The following COL24A1 variants were observed in gnomAD, a reference collection of about 807,000 sequenced individuals.
COL24A1 encodes collagen type XXIV alpha 1 chain.
Under a neutral mutation model 253.9 loss-of-function variants are expected in COL24A1, and 224 were observed. The ratio of observed to expected loss-of-function variants is 0.88; its 90% CI spans 0.79 to 0.99. The LOEUF (loss-of-function observed/expected upper bound fraction) is 0.99, where lower values mean the gene tolerates loss of function less well. Among genes scored for constraint, COL24A1 ranks in the 50% least tolerant of loss-of-function variants. The probability of loss-of-function intolerance (pLI) is 0.00; values close to 1 mark genes in which losing one functional copy is unlikely to be tolerated. For missense variants in COL24A1, 2,131 were observed against 2,068.5 expected (o/e 1.03, Z -0.59); for synonymous variants, 685 against 673.7 (o/e 1.02, Z -0.26).
At chr1:86,124,588 C>T (rs1376071741) in intron 3 of COL24A1, among the ~76,000 whole-genome samples, 1 of 151,684 alleles carries the variant, frequency 6.6e-6, no homozygotes, top group Non-Finnish European at 1.5e-5. Flanking sequence ...AATAGTTTGC[C>T]CACTACTTCA....
At position 85,891,814 on chromosome 1, in the gene COL24A1, A is replaced by T. The variant is rs184426858; in HGVS notation, c.2923-2201T>A. The stretch of plus-strand genomic sequence containing the variant: ...TTATCATGTACTTTTAATGCTGTTG[A>T]TACTGCATAAAAGCTCTTTTGCAAA... On this transcript the variant is annotated intron_variant, in intron 31 of 59. Transcript: ENST00000370571. 2.2e-3 allele frequency among the ~76,000 whole-genome samples: 338 copies of T among 152,352 alleles called. 2 individuals carry two copies. Among genetic ancestry groups the T allele is most frequent in the Non-Finnish European group, 3.5e-3 (241 of 68,016 alleles).
chr1:85,892,654 A>G (rs1416232846), intron 31 of COL24A1, among the ~76,000 whole-genome samples: 6 of 152,130 alleles, frequency 3.9e-5, no homozygotes, highest in Admixed American at 3.9e-4. Flanking sequence ...AGCAAAAATC[A>G]TAACTTTGCA....
chr1:86,057,868 T>G, intron 10 of COL24A1, 63 bp downstream of exon 10: 2 of 1,434,640 alleles, frequency 1.4e-6, no homozygotes, highest in Admixed American at 3.6e-5. Context: ...GCTAAGTGTT[T>G]TATATATTTC....
intron 53 of COL24A1, among the ~76,000 whole-genome samples, chr1:85,765,665 C>T (rs1477991346): frequency 6.6e-6 from 1 of 151,958 alleles, no homozygotes; most frequent in East Asian, 1.9e-4. Flanking sequence ...TGCCTGAGCC[C>T]AGGAGTTCGA....
chr1:85,966,609 T>A (rs1691592869), intron 22 of COL24A1, among the ~76,000 whole-genome samples: 1 of 151,906 alleles, frequency 6.6e-6, no homozygotes, highest in African/African-American at 2.4e-5. Context: ...TGCCAGAAAG[T>A]GAGGAGGAAA....
chr1:85,871,548 G>A (rs1052507866), intron 35 of COL24A1, among the ~76,000 whole-genome samples: 11 of 152,052 alleles, frequency 7.2e-5, no homozygotes, highest in Middle Eastern at 3.4e-3. Context: ...CAACATATGC[G>A]AATCAATAAA....
At chr1:85,825,601 T>C (rs890936782) in intron 43 of COL24A1, among the ~76,000 whole-genome samples, 2 of 151,168 alleles carry the variant, frequency 1.3e-5, no homozygotes, top group African/African-American at 4.9e-5. Context: ...TCCTGACTTT[T>C]TAATGATTGC....
rs60994639 is a variant in COL24A1, at chr1:85,885,397, A to ATATATATATTT, written c.2976+4162_2976+4163insAAATATATATA. 6.4e-3 allele frequency among the ~76,000 whole-genome samples: 822 copies of ATATATATATTT among 128,790 alleles called. 12 individuals carry two copies. The highest frequency in any genetic ancestry group is 0.023 in the African/African-American group (771 of 34,236). The allele number at this position is 128,790 out of a possible 152,430, so 84.5% of individuals were successfully genotyped here. A position where few individuals can be genotyped will look rare whatever the true frequency, so the allele number is the denominator to read the frequency against. On this transcript the variant is annotated intron_variant, in intron 32 of 59. Coordinates refer to ENST00000370571, the MANE Select transcript of COL24A1 (RefSeq NM_152890.7). ...TGTGTGTATATATATATATATATAT[A>ATATATATATTT]TTTTTTTTTTAAGTAGAAACTAAAT...
chr1:86,145,331 C>T (rs941292773), intron 2 of COL24A1, among the ~76,000 whole-genome samples: 2 of 152,108 alleles, frequency 1.3e-5, no homozygotes, highest in African/African-American at 2.4e-5. Context: ...GAGCCCTTTG[C>T]TACCTTTAAG....
At chr1:85,783,439 G>T in intron 51 of COL24A1, 57 bp downstream of exon 51, 1 of 1,418,876 alleles carries the variant, frequency 7.0e-7, no homozygotes, top group Non-Finnish European at 9.9e-7. Flanking sequence ...GAGCTCTTAA[G>T]CCCTGCAGTA....
chr1:85,887,760 A>C (rs552279722), intron 32 of COL24A1, among the ~76,000 whole-genome samples: 1 of 152,220 alleles, frequency 6.6e-6, no homozygotes, highest in Non-Finnish European at 1.5e-5. Context: ...CCTAACTTAC[A>C]TGTCTGATTT....
At chr1:85,953,684 C>T (rs980445075) in intron 24 of COL24A1, among the ~76,000 whole-genome samples, 1 of 152,100 alleles carries the variant, frequency 6.6e-6, no homozygotes, top group African/African-American at 2.4e-5. Flanking sequence ...AACATAAGTA[C>T]ACGATGAAGA....
At chr1:85,860,290 A>G (rs1678989498) in intron 37 of COL24A1, among the ~76,000 whole-genome samples, 1 of 152,222 alleles carries the variant, frequency 6.6e-6, no homozygotes, top group African/African-American at 2.4e-5. Context: ...TGTAACCATC[A>G]CCAAAATCAA....
chr1:85,764,109 C>G (rs2101137685), intron 53 of COL24A1, among the ~76,000 whole-genome samples: 1 of 151,948 alleles, frequency 6.6e-6, no homozygotes, highest in South Asian at 2.1e-4. Context: ...TTATTTTAGG[C>G]TGGCTCAGTT....
Position 85,965,045 on chromosome 1 carries a change from C to T in COL24A1, c.2481G>A (p.Lys827=), listed in dbSNP as rs1465556219. The part of the protein sequence containing the change: ...ELGPRGKPGQ[K]GYAGEPGPEG... ...CTGGTCCTGGTTCACCTGCATACCCCTTTTGACCTGGTTTTCCCTAGAAGA... is the reference window on the plus strand; with the variant it reads ...CTGGTCCTGGTTCACCTGCATACCCTTTTTGACCTGGTTTTCCCTAGAAGA... The change falls in exon 23 of 60, where the codon AAG becomes AAA. Residue 827 remains lysine (K), a synonymous_variant. Coordinates refer to ENST00000370571, the MANE Select transcript of COL24A1 (RefSeq NM_152890.7). 1 of 1,610,470 alleles carries T rather than the reference C, an allele frequency of 6.2e-7. No individual in the cohort carries two copies. The highest frequency in any genetic ancestry group is 1.3e-5 in the African/African-American group (1 of 74,790).
At chr1:86,003,628 A>T (rs1391691693) in intron 19 of COL24A1, among the ~76,000 whole-genome samples, 2 of 152,196 alleles carry the variant, frequency 1.3e-5, no homozygotes, top group African/African-American at 4.8e-5. Context: ...GAATAACAAC[A>T]GAGAAGAAAA....
intron 35 of COL24A1, among the ~76,000 whole-genome samples, chr1:85,870,429 T>C (rs1047412197): frequency 1.3e-5 from 2 of 152,192 alleles, no homozygotes; most frequent in African/African-American, 4.8e-5. Context: ...TATTCCAAAA[T>C]TGACCACATA....
intron 53 of COL24A1, among the ~76,000 whole-genome samples, chr1:85,770,977 C>T (rs1371420365): frequency 6.6e-6 from 1 of 152,162 alleles, no homozygotes; most frequent in Non-Finnish European, 1.5e-5. Flanking sequence ...AACCCATATC[C>T]CATCTCCTGA....
chr1:85,958,955 C>G (rs1205057241), intron 24 of COL24A1, among the ~76,000 whole-genome samples: 3 of 152,120 alleles, frequency 2.0e-5, no homozygotes, highest in African/African-American at 7.2e-5. Flanking sequence ...GCTTCACACA[C>G]TCTATCACAA....
Sources: allele counts gnomAD v4.1 joint callset (sites outside exome capture counted in the v4.1 genomes callset), GRCh38; gene constraint gnomAD v4.1.1; transcripts MANE v1.5; gene names NCBI Gene and HGNC (gene_info 2026-07-23, HGNC 2026-07-21).